TSPAN6: variants seen among roughly 807,000 people sequenced by gnomAD.
The protein encoded by TSPAN6 is tetraspanin-6.
Under a neutral mutation model 18.0 loss-of-function variants are expected in TSPAN6, and 13 were observed. The observed-to-expected ratio is 0.72, with a 90% CI of 0.47 to 1.15. TSPAN6 has a LOEUF of 1.15. Ranked by LOEUF, TSPAN6 falls within the 50% of genes most tolerant of loss-of-function variation. TSPAN6 has a pLI of 0.00. For synonymous variants in TSPAN6, 82 were observed against 67.0 expected, an observed-to-expected ratio of 1.22 and a Z score of -1.09; for missense variants, 186 against 183.9, an observed-to-expected ratio of 1.01 and a Z score of -0.07.
Position 100,636,432 on chromosome X carries a change from A to AT in TSPAN6, c.87+175dup. 5 of 997,468 alleles carry AT rather than the reference A, an allele frequency of 5.0e-6. No homozygotes were observed. The Admixed American group carries it at 2.5e-4, about 49-fold the overall frequency. The allele number at this position is 997,468 out of a possible 1,213,427, so 82.2% of individuals were successfully genotyped here. Reference sequence around the variant, plus strand: ...GCACTCCGACCCCAGCGCCGGCGAGATGCCTGAGCTCTTTGTTCGGGGCCC... The same window carrying AT: ...GCACTCCGACCCCAGCGCCGGCGAGATTGCCTGAGCTCTTTGTTCGGGGCCC... On this transcript the variant is annotated intron_variant, in intron 1 of 7. Coordinates refer to ENST00000373020, the MANE Select transcript of TSPAN6 (RefSeq NM_003270.4).
rs187786903 is a variant in TSPAN6 at position 100,632,593 on chromosome X, T to A, written c.586-25A>T. ...CCTAATGGGAGGAAAAAAACAAAGA[T>A]TAAATACAGCACAAGCAGCCTGTGC... is the stretch of plus-strand genomic sequence containing the variant. On this transcript the variant is annotated intron_variant, in intron 5 of 7. Coordinates refer to ENST00000373020, the MANE Select transcript of TSPAN6 (RefSeq NM_003270.4). The A allele has an allele frequency of 7.6e-6, 8 of 1,050,542 alleles. No homozygotes were observed. The African/African-American group carries it at 1.3e-4, about 17-fold the overall frequency. The allele number at this position is 1,050,542 out of a possible 1,213,427, so 86.6% of individuals were successfully genotyped here. A position where few individuals can be genotyped will look rare whatever the true frequency, so the allele number is the denominator to read the frequency against.
intron 3 of TSPAN6, among the ~76,000 whole-genome samples, chrX:100,634,967 ATAAG>A (rs1428813111): frequency 8.9e-6 from 1 of 112,588 alleles, no homozygotes; most frequent in East Asian, 2.8e-4. Flanking sequence ...GACAGGGAAT[ATAAG>A]TAAGTAATTT....
At chrX:100,636,343 C>T in intron 1 of TSPAN6, 1 of 938,539 alleles carries the variant, frequency 1.1e-6, no homozygotes, top group Non-Finnish European at 1.3e-6. Context: ...ACCTCGCCTC[C>T]CGTATCGAAC....
intron 4 of TSPAN6, 68 bp from the exon 5 acceptor site, chrX:100,633,607 T>C: frequency 9.7e-7 from 1 of 1,030,072 alleles, no homozygotes. Context: ...TAACCTAATA[T>C]CCTCTATTGC....
In TSPAN6 at chrX:100,630,623, C is replaced by T. The variant is rs749573367; in HGVS notation, c.*39+136G>A. 80 of 461,290 alleles carry T rather than the reference C, an allele frequency of 1.7e-4. No individual in the cohort carries two copies. In the Middle Eastern group the frequency reaches 8.1e-3, roughly 47 times the overall value. 38.0% of individuals were successfully genotyped at this position (461,290 alleles called of 1,213,427 possible). A position where few individuals can be genotyped will look rare whatever the true frequency, so the allele number is the denominator to read the frequency against. ...TGTATAGAGACCTAACCTGCCTACA[C>T]AGGGTTTACATAGCACCAGCTAGAT... On this transcript the variant is annotated intron_variant, in intron 7 of 7. Transcript: ENST00000373020.
intron 7 of TSPAN6, 68 bp downstream of exon 7, chrX:100,630,691 C>A: frequency 1.3e-6 from 1 of 777,769 alleles, no homozygotes; most frequent in Non-Finnish European, 1.9e-6. Context: ...AAACTTAGTC[C>A]ATGCATCACA....
rs1390587021 is a variant in TSPAN6 at position 100,629,390 on chromosome X, C to T, written c.*636G>A. 6.3e-5 allele frequency: 7 copies of T among 111,805 alleles called. No individual in the cohort carries two copies. The highest frequency in any genetic ancestry group is 1.3e-4 in the Non-Finnish European group (7 of 53,174). The allele number at this position is 111,805 out of a possible 1,213,427, so 9.2% of individuals were successfully genotyped here. A position where few individuals can be genotyped will look rare whatever the true frequency, so the allele number is the denominator to read the frequency against. ...ACACTGTTATCACCATCTGGCAACC[C>T]TGATGAGGGATGCCATCTATTGACT... is the stretch of plus-strand genomic sequence containing the variant. On this transcript the variant is annotated 3_prime_UTR_variant, in exon 8 of 8. Transcript: ENST00000373020.
chrX:100,634,921 A>G (rs1408660393), intron 3 of TSPAN6, among the ~76,000 whole-genome samples: 15 of 112,531 alleles, frequency 1.3e-4, no homozygotes, highest in African/African-American at 4.5e-4. Context: ...AAATTGTACT[A>G]TCTCCGTTTT....
chrX:100,628,869 T>A lies in TSPAN6; in HGVS notation c.*1157A>T, dbSNP rs1294853247. 3 of 112,086 alleles carry A rather than the reference T, an allele frequency of 2.7e-5. No homozygotes were observed. The highest frequency in any genetic ancestry group is 3.8e-5 in the Non-Finnish European group (2 of 53,258). The allele number at this position is 112,086 out of a possible 1,213,427, so 9.2% of individuals were successfully genotyped here. ...CTGCACCTATGGGAACAGTTTTTTT[T>A]AAACAAAAACATTTTTTTTAATACA... is the stretch of plus-strand genomic sequence containing the variant. On this transcript the variant is annotated 3_prime_UTR_variant, in exon 8 of 8. Transcript: ENST00000373020.
intron 7 of TSPAN6, among the ~76,000 whole-genome samples, chrX:100,630,456 T>TA (rs2083051517): frequency 9.0e-6 from 1 of 111,576 alleles, no homozygotes; most frequent in African/African-American, 3.3e-5. Context: ...CAAAACATGT[T>TA]AAAAAAGGGA....
chrX:100,636,525 T>C, intron 1 of TSPAN6, 83 bp downstream of exon 1: 1 of 1,098,659 alleles, frequency 9.1e-7, no homozygotes, highest in Non-Finnish European at 1.2e-6. Flanking sequence ...GTTCCCGACC[T>C]GAGCTCCCGC....
intron 5 of TSPAN6, 87 bp downstream of exon 5, chrX:100,633,318 C>T: frequency 1.1e-6 from 1 of 920,561 alleles, no homozygotes; most frequent in Non-Finnish European, 1.5e-6. Context: ...GACTCTATCT[C>T]AAAAAAAAAA....
Position 100,632,579 on chromosome X carries a change from G to A in TSPAN6, c.586-11C>T, listed in dbSNP as rs373902960. On this transcript the variant is annotated splice_polypyrimidine_tract_variant and intron_variant, in intron 5 of 7. Coordinates refer to ENST00000373020, the MANE Select transcript of TSPAN6 (RefSeq NM_003270.4). ...CTTTATAAAACAACCCTAATGGGAGGAAAAAAACAAAGATTAAATACAGCA... is the reference window on the plus strand; with the variant it reads ...CTTTATAAAACAACCCTAATGGGAGAAAAAAAACAAAGATTAAATACAGCA... 210 of 1,144,671 alleles carry A rather than the reference G, an allele frequency of 1.8e-4. 2 individuals are homozygous for A. The African/African-American group carries it at 3.3e-3, about 18-fold the overall frequency. The allele number at this position is 1,144,671 out of a possible 1,213,427, so 94.3% of individuals were successfully genotyped here.
At chrX:100,632,630 G>T in intron 5 of TSPAN6, 62 bp from the exon 6 acceptor site, 1 of 754,669 alleles carries the variant, frequency 1.3e-6, no homozygotes, top group Non-Finnish European at 2.0e-6. Context: ...TTTCTTTATG[G>T]TAATAAATAC....
At chrX:100,631,127 G>A (rs1412077544) in intron 6 of TSPAN6, among the ~76,000 whole-genome samples, 1 of 111,782 alleles carries the variant, frequency 8.9e-6, no homozygotes, top group Non-Finnish European at 1.9e-5. Context: ...CACGAGTTTT[G>A]AAGAAACTTT....
rs182031813 is a variant in TSPAN6 at position 100,629,973 on chromosome X, G to T, written c.*53C>A. The T allele has an allele frequency of 1.6e-5, 12 of 751,184 alleles. No individual in the cohort carries two copies. The East Asian group carries it at 1.4e-3, about 86-fold the overall frequency. The allele number at this position is 751,184 out of a possible 1,213,427, so 61.9% of individuals were successfully genotyped here. On this transcript the variant is annotated 3_prime_UTR_variant, in exon 8 of 8. Coordinates refer to ENST00000373020, the MANE Select transcript of TSPAN6 (RefSeq NM_003270.4). ...CAAGCAACTTTCTAATTCACAGGGG[G>T]GACCCTAAATGTCCTAAAATTAAAG...
At chrX:100,635,359 T>C in intron 2 of TSPAN6, 107 bp from the exon 3 acceptor site, 1 of 699,944 alleles carries the variant, frequency 1.4e-6, no homozygotes. Flanking sequence ...GTTCATCATG[T>C]TTTCATTGAA....
intron 1 of TSPAN6, chrX:100,636,165 C>A (rs2083093658): frequency 1.3e-6 from 1 of 788,448 alleles, no homozygotes; most frequent in Admixed American, 7.7e-5. Flanking sequence ...GATAGACTGG[C>A]GGGAGTGGAG....
rs368581849 is a variant in TSPAN6, at chrX:100,636,739, C to T, written c.-45G>A. 5 of 1,156,703 alleles carry T rather than the reference C, an allele frequency of 4.3e-6. No individual in the cohort carries two copies. In the African/African-American group the frequency reaches 5.4e-5, roughly 13 times the overall value. On this transcript the variant is annotated 5_prime_UTR_variant, in exon 1 of 8. In the 5' UTR this introduces an upstream ATG that the reference lacks. Coordinates refer to ENST00000373020, the MANE Select transcript of TSPAN6 (RefSeq NM_003270.4). ...ACCACCGCACCGGGCGATTGGAACA[C>T]AGAGAGCGAGACGCGGAGTCCCCGA...
Sources: gnomAD v4.1 joint callset for allele counts (sites outside exome capture counted in the v4.1 genomes callset) on GRCh38, gnomAD v4.1.1 for gene constraint, MANE v1.5 for transcripts, NCBI Gene and HGNC (gene_info 2026-07-23, HGNC 2026-07-21) for gene names.